The following DRC11 variants were observed in gnomAD, a reference collection of about 807,000 sequenced individuals.
DRC11 encodes IQ and AAA domain-containing protein 1.
At chr2:236,465,699 A>C in the DRC11 span, 1 of 1,607,760 alleles carries the variant, frequency 6.2e-7, no homozygotes, top group African/African-American at 1.3e-5. This position sits in a 1 kb window ranked among gnomAD's most constrained non-coding sequence, Gnocchi z 6.2. Context: ...CATTAAAGAG[A>C]GGAGGTGGAT....
chr2:236,459,591 ATACG>A, the DRC11 span, among the ~76,000 whole-genome samples: 782 of 108,392 alleles, frequency 7.2e-3, 5 homozygotes, highest in Non-Finnish European at 9.3e-3. Flanking sequence ...GTATATACGT[ATACG>A]TATACATATA....
chr2:236,459,521 GTATACA>G, the DRC11 span, among the ~76,000 whole-genome samples: 518 of 87,688 alleles, frequency 5.9e-3, 6 homozygotes, highest in Non-Finnish European at 8.7e-3. Context: ...ACGTATACAT[GTATACA>G]TGTATACGTA....
chr2:236,463,645 A>G, the DRC11 span, among the ~76,000 whole-genome samples: 7 of 152,248 alleles, frequency 4.6e-5, no homozygotes, highest in African/African-American at 1.7e-4. This position sits in a 1 kb window ranked among gnomAD's most constrained non-coding sequence, Gnocchi z 5.0. Context: ...AAGTTAACAC[A>G]AGAAGTTTAT....
the DRC11 span, among the ~76,000 whole-genome samples, chr2:236,373,215 T>G: frequency 6.6e-6 from 1 of 152,046 alleles, no homozygotes; most frequent in Non-Finnish European, 1.5e-5. Context: ...TTCTATTTTA[T>G]GCTGTTCTCA....
chr2:236,312,689 A>G, the DRC11 span, among the ~76,000 whole-genome samples: 1 of 151,752 alleles, frequency 6.6e-6, no homozygotes, highest in South Asian at 2.1e-4. Context: ...GAAAGAAATG[A>G]TAGAGATAAG....
chr2:236,481,965 T>G, the DRC11 span, among the ~76,000 whole-genome samples: 15,736 of 136,292 alleles, frequency 0.12, 1,551 homozygotes, highest in Non-Finnish European at 0.16. Flanking sequence ...ATTATATGTA[T>G]AATTCTATGT....
the DRC11 span, among the ~76,000 whole-genome samples, chr2:236,348,211 C>T: frequency 6.6e-6 from 1 of 152,204 alleles, no homozygotes; most frequent in Non-Finnish European, 1.5e-5. This position sits in a 1 kb window ranked among gnomAD's most constrained non-coding sequence, Gnocchi z 7.4. Context: ...TCGAAGGGGT[C>T]TCTGAGCTGG....
At chr2:236,409,497 A>G in the DRC11 span, among the ~76,000 whole-genome samples, 946 of 152,044 alleles carry the variant, frequency 6.2e-3, 10 homozygotes, top group African/African-American at 0.022. Context: ...ATCAGCTTAA[A>G]GAGATTTTGG....
chr2:236,464,358 T>C, the DRC11 span, among the ~76,000 whole-genome samples: 2 of 152,150 alleles, frequency 1.3e-5, no homozygotes, highest in Non-Finnish European at 2.9e-5. Context: ...CAATACCCCA[T>C]CAAGAAAACA....
the DRC11 span, among the ~76,000 whole-genome samples, chr2:236,317,205 G>A: frequency 6.6e-6 from 1 of 151,966 alleles, no homozygotes; most frequent in African/African-American, 2.4e-5. The surrounding 1 kb of genome is among the most constrained non-coding windows in gnomAD (Gnocchi z 5.4). Context: ...CTGAGGCAGG[G>A]GAATCACTTG....
chr2:236,478,099 G>T, the DRC11 span, among the ~76,000 whole-genome samples: 1 of 151,394 alleles, frequency 6.6e-6, no homozygotes, highest in Non-Finnish European at 1.5e-5. This position sits in a 1 kb window ranked among gnomAD's most constrained non-coding sequence, Gnocchi z 5.9. Context: ...TTTTGGGTTT[G>T]ATTTCTCCTT....
the DRC11 span, among the ~76,000 whole-genome samples, chr2:236,470,536 C>T: frequency 6.6e-6 from 1 of 152,160 alleles, no homozygotes; most frequent in Admixed American, 6.5e-5. The surrounding 1 kb of genome is among the most constrained non-coding windows in gnomAD (Gnocchi z 5.1). Context: ...GAAGACCTCA[C>T]GCTGCGGAAT....
At chr2:236,475,805 T>C in the DRC11 span, among the ~76,000 whole-genome samples, 7 of 152,188 alleles carry the variant, frequency 4.6e-5, no homozygotes, top group African/African-American at 1.7e-4. This position sits in a 1 kb window ranked among gnomAD's most constrained non-coding sequence, Gnocchi z 4.8. Flanking sequence ...CCAGTTTTTC[T>C]AGCATCATTT....
At chr2:236,489,044 T>C in the DRC11 span, among the ~76,000 whole-genome samples, 1 of 123,794 alleles carries the variant, frequency 8.1e-6, no homozygotes. Flanking sequence ...TCCGGGTGCA[T>C]GCTGAGGCCT....
At chr2:236,493,501 G>A in the DRC11 span, among the ~76,000 whole-genome samples, 15 of 152,288 alleles carry the variant, frequency 9.8e-5, no homozygotes, top group Admixed American at 4.6e-4. Flanking sequence ...ATTAAACTGC[G>A]TTGATAATCA....
At chr2:236,465,606 C>T in the DRC11 span, 4 of 1,613,854 alleles carry the variant, frequency 2.5e-6, no homozygotes, top group African/African-American at 1.3e-5. The surrounding 1 kb of genome is among the most constrained non-coding windows in gnomAD (Gnocchi z 6.2). Flanking sequence ...CCAGGGCTTC[C>T]CTGTAGTCCT....
the DRC11 span, among the ~76,000 whole-genome samples, chr2:236,372,762 A>G: frequency 6.6e-6 from 1 of 152,142 alleles, no homozygotes; most frequent in East Asian, 1.9e-4. The surrounding 1 kb of genome is among the most constrained non-coding windows in gnomAD (Gnocchi z 4.5). Context: ...GGTGTGTGTC[A>G]CCATGCCTAG....
chr2:236,356,861 G>GTCAAATATTTA, the DRC11 span, among the ~76,000 whole-genome samples: 1 of 147,172 alleles, frequency 6.8e-6, no homozygotes, highest in East Asian at 2.0e-4. Flanking sequence ...TTCATCATTT[G>GTCAAATATTTA]TCAAATATTT....
the DRC11 span, among the ~76,000 whole-genome samples, chr2:236,422,744 G>A: frequency 6.6e-6 from 1 of 152,154 alleles, no homozygotes; most frequent in Non-Finnish European, 1.5e-5. Flanking sequence ...GCATTGCCAA[G>A]TCAATCCTAA....
Sources: allele counts gnomAD v4.1 joint callset (sites outside exome capture counted in the v4.1 genomes callset), GRCh38; gene constraint gnomAD v4.1.1; non-coding constraint Gnocchi (gnomAD v3.1); transcripts MANE v1.5; gene names NCBI Gene and HGNC (gene_info 2026-07-23, HGNC 2026-07-21).